Variants in PARVB observed in about 807,000 individuals in gnomAD.
PARVB encodes the protein beta-parvin.
In PARVB, 46 loss-of-function variants were observed where a neutral mutation model predicts 47.0. The ratio of observed to expected loss-of-function variants is 0.98; its 90% confidence interval spans 0.77 to 1.25. The LOEUF (loss-of-function observed/expected upper bound fraction) is 1.25. Ranked by LOEUF, PARVB falls within the 50% of genes most tolerant of loss-of-function variation. The pLI is 0.00. For missense variants in PARVB, 473 were observed against 471.6 expected (o/e 1.00, Z -0.03); for synonymous variants, 196 against 196.3 (o/e 1.00, Z 0.01).
At chr22:44,102,587 C>G (rs542387064) in intron 3 of PARVB, among the ~76,000 whole-genome samples, 1 of 152,060 alleles carries the variant, frequency 6.6e-6, no homozygotes, top group South Asian at 2.1e-4. Context: ...CCTGAAATCC[C>G]AGCGCCCTGG....
Position 44,116,591 on chromosome 22 carries a change from T to A in PARVB, c.274-2447T>A, listed in dbSNP as rs1476654282. Among the ~76,000 whole-genome samples the A allele has an allele frequency of 4.6e-5, 7 of 152,196 alleles. No individual in the cohort carries two copies. In the East Asian group the frequency reaches 1.3e-3, roughly 29 times the overall value. ...CAGAGCTCTGGCGCCAGGCAGCAAG[T>A]GCTGGTGCTGCGGACAGAGCCACAG... On this transcript the variant is annotated intron_variant, in intron 3 of 12. Transcript: ENST00000338758.
At position 44,058,417 on chromosome 22, in the gene PARVB, C is replaced by T. The variant is rs185006862; in HGVS notation, c.112+33966C>T. ...TCTCTGCATGTCAGCATCCAAATTT[C>T]TCTCTCCCATGTGGACACCAGCTGG... On this transcript the variant is annotated intron_variant, in intron 1 of 12. Transcript: ENST00000338758. Among the ~76,000 whole-genome samples the T allele has an allele frequency of 3.3e-3, 510 of 152,270 alleles. 1 individual carries two copies. Among genetic ancestry groups the T allele is most frequent in the African/African-American group, 0.011 (477 of 41,554 alleles).
At chr22:44,029,546 C>A (rs906726161) in intron 1 of PARVB, among the ~76,000 whole-genome samples, 1 of 151,982 alleles carries the variant, frequency 6.6e-6, no homozygotes. Flanking sequence ...GAGGCTGAGG[C>A]AGGTGGATCA....
chr22:44,119,271 C>G (rs953240627), intron 4 of PARVB, 131 bp downstream of exon 4: 1 of 699,624 alleles, frequency 1.4e-6, no homozygotes, highest in Non-Finnish European at 2.6e-6. Context: ...CAGTGTGCAT[C>G]TCCCAGGTGG....
chr22:44,064,597 G>A (rs1006729889), intron 1 of PARVB, among the ~76,000 whole-genome samples: 3 of 152,210 alleles, frequency 2.0e-5, no homozygotes, highest in Non-Finnish European at 4.4e-5. Flanking sequence ...CCAGCACTTT[G>A]GGAGGCAGAG....
intron 1 of PARVB, among the ~76,000 whole-genome samples, chr22:44,053,421 T>C (rs779738285): frequency 6.6e-6 from 1 of 152,150 alleles, no homozygotes; most frequent in African/African-American, 2.4e-5. Flanking sequence ...GATGGGCATT[T>C]AAAGGATTCG....
chr22:44,132,560 G>GGCCGTGA (rs1189807898), intron 5 of PARVB, among the ~76,000 whole-genome samples: 1 of 152,080 alleles, frequency 6.6e-6, no homozygotes, highest in Non-Finnish European at 1.5e-5. Context: ...ATGGGTAAGT[G>GGCCGTGA]GCCGTGACCT....
intron 1 of PARVB, among the ~76,000 whole-genome samples, chr22:44,063,257 C>T (rs1226996742): frequency 2.7e-5 from 4 of 149,278 alleles, no homozygotes; most frequent in Non-Finnish European, 5.9e-5. Context: ...GATGGAGTCT[C>T]GGTCTGTCAC....
At chr22:44,111,473 A>C (rs2052696994) in intron 3 of PARVB, 1 of 91,722 alleles carries the variant, frequency 1.1e-5, no homozygotes. Flanking sequence ...TTTTTGAGAC[A>C]GGGTCTTGCT....
chr22:44,026,315 C>T (rs1269326010), intron 1 of PARVB: 1 of 985,418 alleles, frequency 1.0e-6, no homozygotes, highest in Non-Finnish European at 1.2e-6. Context: ...CTGAATAGAA[C>T]GGGCGTGGAG....
At chr22:44,013,074 G>C (rs1210571692) in intron 2 of PARVB, among the ~76,000 whole-genome samples, 1 of 151,788 alleles carries the variant, frequency 6.6e-6, no homozygotes, top group African/African-American at 2.4e-5. Context: ...TTTTTTTGTA[G>C]TTTTAGTAGA....
intron 1 of PARVB, among the ~76,000 whole-genome samples, chr22:44,091,223 G>A (rs1037725642): frequency 9.2e-5 from 14 of 151,648 alleles, no homozygotes; most frequent in African/African-American, 1.9e-4. Flanking sequence ...CAGTGTGTGC[G>A]GCAGCCAGGC....
At chr22:44,027,235 C>G (rs747423757) in intron 1 of PARVB, among the ~76,000 whole-genome samples, 1 of 152,034 alleles carries the variant, frequency 6.6e-6, no homozygotes, top group Non-Finnish European at 1.5e-5. Context: ...TGGAGGAGCC[C>G]GTGTGCAGAG....
chr22:44,132,269 G>A (rs1037715150), intron 5 of PARVB, among the ~76,000 whole-genome samples: 35 of 152,166 alleles, frequency 2.3e-4, no homozygotes, highest in African/African-American at 8.2e-4. Context: ...TCTTGGTATC[G>A]AGACCTTGGG....
chr22:44,117,426 C>T (rs1342456579), intron 3 of PARVB, among the ~76,000 whole-genome samples: 2 of 151,938 alleles, frequency 1.3e-5, no homozygotes, highest in Non-Finnish European at 2.9e-5. Context: ...TGAGGGGGTT[C>T]GGGTGCAGCC....
chr22:44,023,552 TAAAATA>T (rs2050679696), upstream of PARVB, among the ~76,000 whole-genome samples: 1 of 103,636 alleles, frequency 9.6e-6, no homozygotes, highest in Admixed American at 8.6e-5. Flanking sequence ...TAAAATAAAA[TAAAATA>T]AAATAAAATA....
At position 44,010,953 on chromosome 22, in the gene PARVB, G is replaced by T. The variant is rs565160491; in HGVS notation, c.211+11280G>T. On this transcript the variant is annotated intron_variant, in intron 2 of 13. Transcript: ENST00000406477. ...GTCGCCCAGGCTAGAGTGCAGTGGC[G>T]CAATCTCAGCTCACTGTCATCTCTG... Among the ~76,000 whole-genome samples, 9 of 146,940 alleles carry T rather than the reference G, an allele frequency of 6.1e-5. No homozygotes were observed. In the South Asian group the frequency reaches 2.0e-3, roughly 32 times the overall value.
intron 2 of PARVB, 130 bp from the exon 3 acceptor site, chr22:44,099,923 G>T (rs2052401051): frequency 2.8e-6 from 2 of 726,008 alleles, no homozygotes; most frequent in Non-Finnish European, 4.9e-6. Flanking sequence ...GCGGTTCCTT[G>T]CAGTCACCCT....
At position 44,068,830 on chromosome 22, in the gene PARVB, C is replaced by T. The variant is rs1569089498; in HGVS notation, c.113-25098C>T. 6.6e-6 allele frequency among the ~76,000 whole-genome samples: 1 copy of T among 152,176 alleles called. No homozygotes were observed. On this transcript the variant is annotated intron_variant, in intron 1 of 12. Transcript: ENST00000338758. The surrounding 1 kb of genome is among the most constrained non-coding windows in gnomAD (Gnocchi z 4.1). ...TGAGCCACGTGCATCTTCAGTCAGC[C>T]CAGGGGCCTGGGCGCGCCCTTCCTT...
Sources: gnomAD v4.1 joint callset for allele counts (sites outside exome capture counted in the v4.1 genomes callset) on GRCh38, gnomAD v4.1.1 for gene constraint, Gnocchi (gnomAD v3.1) non-coding constraint, MANE v1.5 for transcripts, NCBI Gene and HGNC (gene_info 2026-07-23, HGNC 2026-07-21) for gene names.